Variants in LYPLA1 observed in about 807,000 individuals in gnomAD.
LYPLA1 encodes lysophospholipase 1.
In LYPLA1, 17 loss-of-function variants were observed where a neutral mutation model predicts 34.0. That is an observed-to-expected ratio of 0.50 (90% CI 0.34 to 0.75). The LOEUF (loss-of-function observed/expected upper bound fraction) is 0.75, where lower values mean the gene tolerates loss of function less well. LYPLA1 is among the 30% of genes least tolerant of loss of function. The probability of loss-of-function intolerance (pLI) is 0.01; values close to 1 mark genes in which losing one functional copy is unlikely to be tolerated. For synonymous variants in LYPLA1, 98 were observed against 100.8 expected (o/e 0.97, Z 0.17); for missense variants, 203 against 288.8 (o/e 0.70, Z 2.15).
intron 2 of LYPLA1, among the ~76,000 whole-genome samples, chr8:54,091,680 T>C (rs923757631): frequency 5.9e-5 from 9 of 151,982 alleles, no homozygotes; most frequent in Non-Finnish European, 1.2e-4. Flanking sequence ...TGGGTTCTAG[T>C]CCCCACTCAG....
intron 2 of LYPLA1, among the ~76,000 whole-genome samples, chr8:54,087,358 C>T (rs4737480): frequency 0.018 from 2,768 of 152,244 alleles, 153 homozygotes; most frequent in East Asian, 0.14. Flanking sequence ...CTGGGCAGGG[C>T]ATGGCAGGGC....
Position 54,051,786 on chromosome 8 carries a change from C to CT in LYPLA1, c.463-599dup, listed in dbSNP as rs544039585. Among the ~76,000 whole-genome samples the CT allele has an allele frequency of 8.2e-4, 124 of 150,732 alleles. 1 individual carries two copies. Among genetic ancestry groups the CT allele is most frequent in the South Asian group, 2.1e-3 (10 of 4,736 alleles). ...TTTTAATCCATCTTTATATTTTCAGCTTTTTTTTGTTTGTTTGGTTGGTTG... is the reference window on the plus strand; with the variant it reads ...TTTTAATCCATCTTTATATTTTCAGCTTTTTTTTTGTTTGTTTGGTTGGTTG... On this transcript the variant is annotated intron_variant, in intron 7 of 8. Coordinates refer to ENST00000316963, the MANE Select transcript of LYPLA1 (RefSeq NM_006330.4).
At chr8:54,085,666 C>T (rs536746290) in intron 2 of LYPLA1, among the ~76,000 whole-genome samples, 1 of 150,862 alleles carries the variant, frequency 6.6e-6, no homozygotes, top group Non-Finnish European at 1.5e-5. Flanking sequence ...TCTGCCCCGC[C>T]GTCACCCCGT....
At chr8:54,054,233 T>C (rs1211959350) in intron 6 of LYPLA1, among the ~76,000 whole-genome samples, 2 of 152,306 alleles carry the variant, frequency 1.3e-5, no homozygotes, top group East Asian at 1.9e-4. Context: ...TCCACCCACC[T>C]TGGCCTCCCA....
chr8:54,059,542 G>A (rs925941735), intron 5 of LYPLA1, among the ~76,000 whole-genome samples: 2 of 73,326 alleles, frequency 2.7e-5, no homozygotes, highest in Non-Finnish European at 4.1e-5. Context: ...CTGACCTCAT[G>A]ATCCACCCGC....
chr8:54,101,670 C>A, intron 1 of LYPLA1, 85 bp downstream of exon 1: 5 of 1,177,884 alleles, frequency 4.2e-6, no homozygotes, highest in Non-Finnish European at 5.3e-6. Context: ...GGCCGCCACG[C>A]GCCCGCAACG....
intron 5 of LYPLA1, among the ~76,000 whole-genome samples, chr8:54,055,940 C>G (rs1054166829): frequency 6.6e-6 from 1 of 152,216 alleles, no homozygotes; most frequent in African/African-American, 2.4e-5. Context: ...CGTGCCTAGC[C>G]CCCTAAAATT....
Position 54,073,306 on chromosome 8 carries a change from T to A in LYPLA1, c.102-7493A>T, listed in dbSNP as rs935912513. On this transcript the variant is annotated intron_variant, in intron 2 of 8. Coordinates refer to ENST00000316963, the MANE Select transcript of LYPLA1 (RefSeq NM_006330.4). ...GTCCTTCTGTGCCTGCCCCCTCTCC[T>A]TCTATGGACGGAACTGTGAGCATGA... is the stretch of plus-strand genomic sequence containing the variant. 5 of 868,356 alleles carry A rather than the reference T, an allele frequency of 5.8e-6. No homozygotes were observed. The African/African-American group carries it at 8.2e-5, about 14-fold the overall frequency. 53.8% of individuals were successfully genotyped at this position (868,356 alleles called of 1,614,324 possible). A position where few individuals can be genotyped will look rare whatever the true frequency, so the allele number is the denominator to read the frequency against.
intron 2 of LYPLA1, among the ~76,000 whole-genome samples, chr8:54,088,976 A>C (rs1187576447): frequency 6.6e-6 from 1 of 152,248 alleles, no homozygotes; most frequent in African/African-American, 2.4e-5. Context: ...AGCCAGATGC[A>C]AAAGACCAAA....
chr8:54,052,299 C>T (rs947834490), intron 7 of LYPLA1, among the ~76,000 whole-genome samples: 4 of 151,960 alleles, frequency 2.6e-5, no homozygotes, highest in South Asian at 2.1e-4. Context: ...GACAGTATAG[C>T]GTACAGAAAT....
At position 54,083,064 on chromosome 8, in the gene LYPLA1, C is replaced by A. The variant is rs1006088518; in HGVS notation, c.102-17251G>T. On this transcript the variant is annotated intron_variant, in intron 2 of 8. Coordinates refer to ENST00000316963, the MANE Select transcript of LYPLA1 (RefSeq NM_006330.4). ...TTATAAAATGAATGTTCGCAGACAT[C>A]ATTTTTTCCTTAGAAAAAATTCTTT... is the stretch of plus-strand genomic sequence containing the variant. Among the ~76,000 whole-genome samples, 4 of 152,280 alleles carry A rather than the reference C, an allele frequency of 2.6e-5. No individual in the cohort carries two copies. The South Asian group carries it at 8.3e-4, about 32-fold the overall frequency.
chr8:54,055,923 G>T (rs1466104297), intron 5 of LYPLA1, among the ~76,000 whole-genome samples: 2 of 152,128 alleles, frequency 1.3e-5, no homozygotes, highest in Non-Finnish European at 2.9e-5. Flanking sequence ...TTACAGGCGT[G>T]AGCCACCGTG....
chr8:54,062,489 C>CTATT (rs200422693), intron 4 of LYPLA1, among the ~76,000 whole-genome samples, 165 bp from the exon 5 acceptor site: 8,778 of 148,948 alleles, frequency 0.059, 429 homozygotes, highest in African/African-American at 0.13. Flanking sequence ...CGAAGTCTCA[C>CTATT]TATTTATTTA....
chr8:54,093,022 T>C (rs916925122), intron 2 of LYPLA1, among the ~76,000 whole-genome samples: 1 of 152,152 alleles, frequency 6.6e-6, no homozygotes, highest in Admixed American at 6.5e-5. Flanking sequence ...CAATCAGTCT[T>C]ACCAACTAAC....
chr8:54,058,939 T>G (rs184601464), intron 5 of LYPLA1, among the ~76,000 whole-genome samples: 52 of 152,322 alleles, frequency 3.4e-4, no homozygotes, highest in Non-Finnish European at 1.3e-4. Flanking sequence ...CTGTCTTCTT[T>G]GTTCAGTAGC....
At chr8:54,059,299 G>GTTTTTTTTTTTTTTTTTT (rs573966934) in intron 5 of LYPLA1, among the ~76,000 whole-genome samples, 5 of 112,702 alleles carry the variant, frequency 4.4e-5, no homozygotes, top group South Asian at 3.1e-4. Flanking sequence ...TATTTTCCCT[G>GTTTTTTTTTTTTTTTTTT]TTTTTTTTTT....
At chr8:54,094,845 TA>T (rs1475729524) in intron 2 of LYPLA1, among the ~76,000 whole-genome samples, 2 of 152,202 alleles carry the variant, frequency 1.3e-5, no homozygotes, top group Non-Finnish European at 2.9e-5. Flanking sequence ...TGTGGCCAAC[TA>T]AAGGACAATT....
chr8:54,065,748 G>C lies in LYPLA1; in HGVS notation c.167C>G (p.Ala56Gly), dbSNP rs1208158592. The C allele has an allele frequency of 1.2e-6, 2 of 1,612,442 alleles. No homozygotes were observed. The highest frequency in any genetic ancestry group is 1.7e-6 in the Non-Finnish European group (2 of 1,178,958). The change falls in exon 3 of 9, where the codon GCG becomes GGG. Residue 56 changes from alanine (A) to glycine (G), a missense_variant and splice_region_variant. By Grantham distance (60) the Ala-to-Gly change is moderately conservative. This residue lies in a region of LYPLA1 where 75 missense variants were observed against 73.5 expected (regional missense o/e 1.02). Coordinates refer to ENST00000316963, the MANE Select transcript of LYPLA1 (RefSeq NM_006330.4). ...SSHIKYICPH[A>G]PVRPVTLNMN... is the part of the protein sequence containing the mutation. ...AAGCCTGAAGATCAGAAATACTCAC[G>C]CATGCGGGCAGATATATTTGATATG...
At chr8:54,073,395 T>C in intron 2 of LYPLA1, 1 of 781,220 alleles carries the variant, frequency 1.3e-6, no homozygotes, top group Non-Finnish European at 2.4e-6. Context: ...AGTGTTCCAT[T>C]TGTAAATGCT....
Sources: allele counts gnomAD v4.1 joint callset (sites outside exome capture counted in the v4.1 genomes callset), GRCh38; gene constraint gnomAD v4.1.1; regional missense constraint gnomAD v4.1.1; transcripts MANE v1.5; gene names NCBI Gene and HGNC (gene_info 2026-07-23, HGNC 2026-07-21).